The following PTPRN2 variants were observed in gnomAD, a reference collection of about 807,000 sequenced individuals.
The protein encoded by PTPRN2 is protein tyrosine phosphatase receptor type N2.
In PTPRN2, 74 loss-of-function variants were observed where a neutral mutation model predicts 118.8. The observed-to-expected ratio is 0.62, with a 90% CI of 0.52 to 0.76. The LOEUF is 0.76. PTPRN2 is among the 30% of genes least tolerant of loss of function. PTPRN2 has a pLI of 0.00. For synonymous variants in PTPRN2, 641 were observed against 608.0 expected (o/e 1.05, Z -0.80); for missense variants, 1,481 against 1,394.4 (o/e 1.06, Z -0.99).
intron 2 of PTPRN2, among the ~76,000 whole-genome samples, chr7:158,361,844 T>C (rs12698220): frequency 0.96 from 146,611 of 152,230 alleles, 70,657 homozygotes; most frequent in African/African-American, 0.99. Context: ...GAACCTGAGC[T>C]GGCACTGCCC....
chr7:158,151,785 C>A (rs1463294995), intron 6 of PTPRN2, among the ~76,000 whole-genome samples: 1 of 152,190 alleles, frequency 6.6e-6, no homozygotes, highest in Non-Finnish European at 1.5e-5. Flanking sequence ...TCCTTTGCAC[C>A]AGCTACCTTT....
At chr7:157,811,978 C>T (rs1481074723) in intron 12 of PTPRN2, among the ~76,000 whole-genome samples, 2 of 152,162 alleles carry the variant, frequency 1.3e-5, no homozygotes, top group Non-Finnish European at 2.9e-5. Context: ...GGACCACCCT[C>T]GACTTAAGAC....
rs932391342 is a variant in PTPRN2 at position 158,264,064 on chromosome 7, G to A, written c.277+52755C>T. On this transcript the variant is annotated intron_variant, in intron 3 of 22. Coordinates refer to ENST00000389418, the MANE Select transcript of PTPRN2 (RefSeq NM_002847.5). ...ATCTTCCAGTGCAGGACTTTGGAGC[G>A]GCAAACGGTTATTATTTAGAAGGAG... Among the ~76,000 whole-genome samples the A allele has an allele frequency of 4.6e-5, 7 of 152,268 alleles. 1 individual carries two copies. In the Middle Eastern group the frequency reaches 0.01, roughly 222 times the overall value.
In PTPRN2 at chr7:157,785,929, G is replaced by A. The variant is rs984191019; in HGVS notation, c.1789-102992C>T. Among the ~76,000 whole-genome samples, 12 of 152,118 alleles carry A rather than the reference G, an allele frequency of 7.9e-5. No individual in the cohort carries two copies. The highest frequency in any genetic ancestry group is 3.3e-4 in the Admixed American group (5 of 15,272). On this transcript the variant is annotated intron_variant, in intron 12 of 22. Transcript: ENST00000389418. The surrounding 1 kb of genome is among the most constrained non-coding windows in gnomAD (Gnocchi z 7.3). ...CCAGCCTGCTCACCTGGGTAGCAGG[G>A]TGGGAGGGCCGGGTGGGGATGGCTG...
At chr7:158,265,143 C>T (rs974469578) in intron 3 of PTPRN2, among the ~76,000 whole-genome samples, 1 of 152,130 alleles carries the variant, frequency 6.6e-6, no homozygotes, top group Non-Finnish European at 1.5e-5. Context: ...GCCCCTGGCC[C>T]GGTGGAGCAG....
At chr7:158,482,425 G>C (rs911030551) in intron 2 of PTPRN2, among the ~76,000 whole-genome samples, 7 of 152,254 alleles carry the variant, frequency 4.6e-5, no homozygotes, top group Middle Eastern at 3.4e-3. Context: ...AAGCAACCAC[G>C]GCCCTGATCA....
At chr7:158,152,730 G>GCA (rs1417210131) in intron 6 of PTPRN2, among the ~76,000 whole-genome samples, 1 of 152,086 alleles carries the variant, frequency 6.6e-6, no homozygotes, top group Non-Finnish European at 1.5e-5. Flanking sequence ...ACCCTGGCAG[G>GCA]CACACACACA....
At chr7:157,696,664 T>C (rs13246523) in intron 12 of PTPRN2, among the ~76,000 whole-genome samples, 20,096 of 66,652 alleles carry the variant, frequency 0.3, 1,911 homozygotes, top group Non-Finnish European at 0.34. Context: ...ACCATCTACC[T>C]ATGCATACTG....
intron 2 of PTPRN2, among the ~76,000 whole-genome samples, chr7:158,320,499 A>G (rs73746486): frequency 0.4 from 60,969 of 152,002 alleles, 12,478 homozygotes; most frequent in Middle Eastern, 0.47. Flanking sequence ...TGGCGCCCCC[A>G]TCGCCCGCAT....
intron 13 of PTPRN2, among the ~76,000 whole-genome samples, chr7:157,660,574 A>G (rs925364535): frequency 2.6e-5 from 4 of 152,216 alleles, no homozygotes; most frequent in African/African-American, 9.6e-5. Context: ...TGTGAAGATT[A>G]AAATAGATGG....
At chr7:158,468,717 A>G (rs985304276) in intron 2 of PTPRN2, among the ~76,000 whole-genome samples, 1 of 151,908 alleles carries the variant, frequency 6.6e-6, no homozygotes. Flanking sequence ...CCAGTCCCCT[A>G]TGCTTGTCCC....
chr7:158,244,155 A>G (rs1014705060), intron 3 of PTPRN2, among the ~76,000 whole-genome samples: 9 of 152,324 alleles, frequency 5.9e-5, no homozygotes, highest in Non-Finnish European at 1.2e-4. Flanking sequence ...TCCTTCCCCC[A>G]GGACTTCCAT....
rs569222129 is a variant in PTPRN2 at position 157,861,030 on chromosome 7, G to T, written c.1788+37643C>A. On this transcript the variant is annotated intron_variant, in intron 12 of 22. Coordinates refer to ENST00000389418, the MANE Select transcript of PTPRN2 (RefSeq NM_002847.5). The surrounding 1 kb of genome is among the most constrained non-coding windows in gnomAD (Gnocchi z 5.8). ...CCAGTCCAGGGAGCTGTGGAGAGGT[G>T]GGGGGCAGGGTGACCTTCTCTTTCT... 6.6e-6 allele frequency among the ~76,000 whole-genome samples: 1 copy of T among 152,316 alleles called. No individual in the cohort carries two copies. Among genetic ancestry groups the T allele is most frequent in the African/African-American group, 2.4e-5 (1 of 41,574 alleles).
chr7:158,341,988 A>G (rs1334611387), intron 2 of PTPRN2, among the ~76,000 whole-genome samples: 10 of 147,218 alleles, frequency 6.8e-5, no homozygotes, highest in African/African-American at 2.0e-4. Context: ...CACTCTCACC[A>G]TAAGAGGTGA....
intron 12 of PTPRN2, among the ~76,000 whole-genome samples, chr7:157,833,628 C>A (rs1163586017): frequency 6.6e-6 from 1 of 152,248 alleles, no homozygotes; most frequent in African/African-American, 2.4e-5. Context: ...GGAGCCCATC[C>A]ATCCTGTATG....
intron 11 of PTPRN2, among the ~76,000 whole-genome samples, chr7:157,941,613 C>T (rs1042045436): frequency 6.6e-6 from 1 of 152,218 alleles, no homozygotes; most frequent in African/African-American, 2.4e-5. Flanking sequence ...CAGAGAGGGG[C>T]TCCTGGCCAT....
intron 3 of PTPRN2, among the ~76,000 whole-genome samples, chr7:158,250,507 C>T (rs1309094937): frequency 6.6e-6 from 1 of 152,098 alleles, no homozygotes; most frequent in East Asian, 1.9e-4. Context: ...TTTTGCTTTT[C>T]TGCATACATG....
Position 158,184,750 on chromosome 7 carries a change from T to C in PTPRN2, c.549+7577A>G, listed in dbSNP as rs573129870. 5.3e-5 allele frequency among the ~76,000 whole-genome samples: 8 copies of C among 152,120 alleles called. No individual in the cohort carries two copies. The East Asian group carries it at 7.7e-4, about 15-fold the overall frequency. Reference sequence around the variant, plus strand: ...TCACTTGAACCCAGGAGGCAGAGGGTTGCAGTGAGCCAAGATTGTGCCACT... The same window carrying C: ...TCACTTGAACCCAGGAGGCAGAGGGCTGCAGTGAGCCAAGATTGTGCCACT... On this transcript the variant is annotated intron_variant, in intron 5 of 22. Transcript: ENST00000389418.
chr7:158,213,224 G>A (rs1391867811), intron 3 of PTPRN2, among the ~76,000 whole-genome samples: 1 of 151,472 alleles, frequency 6.6e-6, no homozygotes, highest in South Asian at 2.1e-4. Context: ...GTGTGTGTGT[G>A]TGTGTGTGTG....
Sources: gnomAD v4.1 joint callset for allele counts (sites outside exome capture counted in the v4.1 genomes callset) on GRCh38, gnomAD v4.1.1 for gene constraint, Gnocchi (gnomAD v3.1) non-coding constraint, MANE v1.5 for transcripts, NCBI Gene and HGNC (gene_info 2026-07-23, HGNC 2026-07-21) for gene names.